ZBTB7C: variants seen among roughly 807,000 people sequenced by gnomAD.
ZBTB7C encodes the protein zinc finger and BTB domain containing 7C.
ZBTB7C carries 8 observed loss-of-function variants against 25.7 expected under a neutral mutation model. The observed-to-expected ratio is 0.31, with a 90% CI of 0.18 to 0.56. The LOEUF is 0.56. ZBTB7C is among the 20% of genes least tolerant of loss of function. ZBTB7C has a pLI of 0.91. For synonymous variants in ZBTB7C, 394 were observed against 369.0 expected (o/e 1.07, Z -0.78); for missense variants, 824 against 855.2 (o/e 0.96, Z 0.46).
At chr18:48,069,954 G>A (rs929722269) in intron 3 of ZBTB7C, among the ~76,000 whole-genome samples, 1 of 152,126 alleles carries the variant, frequency 6.6e-6, no homozygotes, top group African/African-American at 2.4e-5. Context: ...TGTACATGCT[G>A]TCCATGGGGC....
At chr18:48,061,884 G>C (rs115347475) in intron 3 of ZBTB7C, among the ~76,000 whole-genome samples, 1 of 152,128 alleles carries the variant, frequency 6.6e-6, no homozygotes, top group African/African-American at 2.4e-5. Context: ...CTTTGAAATA[G>C]TCAGTATCAC....
intron 3 of ZBTB7C, among the ~76,000 whole-genome samples, chr18:48,069,077 C>T (rs1233623237): frequency 6.6e-6 from 1 of 152,244 alleles, no homozygotes; most frequent in Non-Finnish European, 1.5e-5. Context: ...GTATGTGTGG[C>T]CTCCAACCAC....
chr18:48,098,022 A>G (rs1469474602), intron 3 of ZBTB7C, among the ~76,000 whole-genome samples: 1 of 152,236 alleles, frequency 6.6e-6, no homozygotes, highest in Non-Finnish European at 1.5e-5. Flanking sequence ...GTCACTACCA[A>G]TTGAGCCAAG....
At chr18:48,357,218 C>A (rs529851729) in intron 1 of ZBTB7C, among the ~76,000 whole-genome samples, 1 of 152,226 alleles carries the variant, frequency 6.6e-6, no homozygotes, top group African/African-American at 2.4e-5. Flanking sequence ...CGGCCACCTG[C>A]AGAATAGGTC....
chr18:48,162,442 C>T (rs1231260495), intron 3 of ZBTB7C: 2 of 454,808 alleles, frequency 4.4e-6, no homozygotes, highest in Admixed American at 2.4e-5. Context: ...CTGAGTGCTG[C>T]GGTTTGGTGC....
At chr18:48,118,193 A>G (rs1352468141) in intron 3 of ZBTB7C, among the ~76,000 whole-genome samples, 1 of 151,932 alleles carries the variant, frequency 6.6e-6, no homozygotes, top group Non-Finnish European at 1.5e-5. Context: ...TTTAGCAGAG[A>G]GGAGGTTTCG....
At chr18:48,136,591 A>G (rs2040172643) in intron 3 of ZBTB7C, among the ~76,000 whole-genome samples, 2 of 152,034 alleles carry the variant, frequency 1.3e-5, no homozygotes, top group South Asian at 4.2e-4. Flanking sequence ...TAAACTACCA[A>G]GGTACACCCG....
At chr18:48,312,670 G>A (rs1231729023) in intron 2 of ZBTB7C, among the ~76,000 whole-genome samples, 1 of 152,184 alleles carries the variant, frequency 6.6e-6, no homozygotes, top group African/African-American at 2.4e-5. Flanking sequence ...GAATTAACAA[G>A]CTTAGCAGAG....
chr18:48,263,521 A>T (rs1351082138), intron 2 of ZBTB7C, among the ~76,000 whole-genome samples: 1 of 152,144 alleles, frequency 6.6e-6, no homozygotes, highest in Non-Finnish European at 1.5e-5. Context: ...GTACTTAATG[A>T]ATGCATGCAG....
chr18:48,248,843 T>C lies in ZBTB7C; in HGVS notation c.-78-62848A>G, dbSNP rs191260107. ...AGATTGACAATTTCCATACATAATA[T>C]AAAGCTTTTCTGTAATAAAAATAAA... On this transcript the variant is annotated intron_variant, in intron 2 of 4. Transcript: ENST00000590800. 1.8e-3 allele frequency among the ~76,000 whole-genome samples: 268 copies of C among 152,182 alleles called. 1 individual carries two copies. The highest frequency in any genetic ancestry group is 0.017 in the South Asian group (83 of 4,814).
intron 2 of ZBTB7C, among the ~76,000 whole-genome samples, chr18:48,271,526 AT>A (rs2044485549): frequency 7.6e-6 from 1 of 131,456 alleles, no homozygotes; most frequent in African/African-American, 3.2e-5. Flanking sequence ...TATAGCATAT[AT>A]TATATTATAT....
chr18:48,350,883 G>T (rs1418964736), intron 1 of ZBTB7C, among the ~76,000 whole-genome samples: 2 of 151,962 alleles, frequency 1.3e-5, no homozygotes, highest in Non-Finnish European at 2.9e-5. Flanking sequence ...CTCTTTAATG[G>T]CTGCATACCC....
intron 1 of ZBTB7C, among the ~76,000 whole-genome samples, chr18:48,393,202 G>T (rs534786036): frequency 1.4e-4 from 21 of 152,080 alleles, no homozygotes; most frequent in African/African-American, 5.1e-4. Flanking sequence ...ATCAAGCGGG[G>T]CCCTGCCCAG....
intron 2 of ZBTB7C, among the ~76,000 whole-genome samples, chr18:48,297,575 C>A (rs2045431941): frequency 6.6e-6 from 1 of 152,184 alleles, no homozygotes; most frequent in Admixed American, 6.5e-5. Context: ...GCAATCACAG[C>A]CATTTCCCTG....
At chr18:48,265,237 T>C (rs907709602) in intron 2 of ZBTB7C, among the ~76,000 whole-genome samples, 1 of 152,230 alleles carries the variant, frequency 6.6e-6, no homozygotes, top group Non-Finnish European at 1.5e-5. Context: ...GCTCTTTGAT[T>C]GTAAGTCCCC....
chr18:48,254,089 T>TA (rs1357314439), intron 2 of ZBTB7C, among the ~76,000 whole-genome samples: 1 of 152,222 alleles, frequency 6.6e-6, no homozygotes, highest in Non-Finnish European at 1.5e-5. Context: ...AGAAATTACT[T>TA]ATGCAGATAG....
intron 3 of ZBTB7C, among the ~76,000 whole-genome samples, chr18:48,138,010 C>G (rs2040227557): frequency 6.6e-6 from 1 of 152,236 alleles, no homozygotes; most frequent in Non-Finnish European, 1.5e-5. Context: ...AGGAAATAAC[C>G]ATTTAATGCC....
intron 4 of ZBTB7C, among the ~76,000 whole-genome samples, chr18:48,039,160 C>T (rs1409390948): frequency 1.3e-5 from 2 of 152,168 alleles, no homozygotes; most frequent in Non-Finnish European, 2.9e-5. Context: ...AATTTTATAA[C>T]AGCATAAAGT....
intron 1 of ZBTB7C, among the ~76,000 whole-genome samples, chr18:48,405,300 G>C (rs2145332047): frequency 6.6e-6 from 1 of 151,502 alleles, no homozygotes; most frequent in East Asian, 1.9e-4. Flanking sequence ...AGGAGGCAAA[G>C]AGCTTTGAAT....
Sources: gnomAD v4.1 joint callset for allele counts (sites outside exome capture counted in the v4.1 genomes callset) on GRCh38, gnomAD v4.1.1 for gene constraint, MANE v1.5 for transcripts, NCBI Gene and HGNC (gene_info 2026-07-23, HGNC 2026-07-21) for gene names.